Variants in IL1RL1 observed in about 807,000 individuals in gnomAD.
IL1RL1 encodes the protein interleukin 1 receptor like 1, also known as interleukin-1 receptor-like 1.
IL1RL1 carries 32 observed loss-of-function variants against 50.9 expected under a neutral mutation model. The ratio of observed to expected loss-of-function variants is 0.63; its 90% CI spans 0.47 to 0.84. The LOEUF (loss-of-function observed/expected upper bound fraction) is 0.84, where lower values mean the gene tolerates loss of function less well. Ranked by LOEUF, IL1RL1 falls within the 40% of genes least tolerant of loss-of-function variation. The probability of loss-of-function intolerance (pLI) is 0.00; values close to 1 mark genes in which losing one functional copy is unlikely to be tolerated. For missense variants in IL1RL1, 773 were observed against 662.9 expected, an observed-to-expected ratio of 1.17 and a Z score of -1.82; for synonymous variants, 275 against 236.0, an observed-to-expected ratio of 1.17 and a Z score of -1.51.
rs1020424192 is a variant in IL1RL1, at chr2:102,345,792, A to C, written c.971-2153A>C. 5 of 985,350 alleles carry C rather than the reference A, an allele frequency of 5.1e-6. No homozygotes were observed. In the African/African-American group the frequency reaches 8.7e-5, roughly 17 times the overall value. 61.0% of individuals were successfully genotyped at this position (985,350 alleles called of 1,614,324 possible). A position where few individuals can be genotyped will look rare whatever the true frequency, so the allele number is the denominator to read the frequency against. On this transcript the variant is annotated intron_variant, in intron 8 of 10. Transcript: ENST00000233954. ...CTGCCAGTGATAAGTGTGGCACCCC[A>C]GGAAGGCTGTGGACCCCATCAAGGT... is the stretch of plus-strand genomic sequence containing the variant.
chr2:102,344,643 T>C (rs909811082), intron 8 of IL1RL1: 6 of 432,118 alleles, frequency 1.4e-5, no homozygotes, highest in African/African-American at 2.2e-5. Context: ...CTTCCATCTT[T>C]GGGTCCTTAG....
intron 8 of IL1RL1, among the ~76,000 whole-genome samples, chr2:102,347,085 G>A (rs557933111): frequency 2.0e-5 from 3 of 152,172 alleles, no homozygotes; most frequent in African/African-American, 2.4e-5. Context: ...TATCAAAGAC[G>A]CTTTAGCCAC....
rs562950391 is a variant in IL1RL1, at chr2:102,319,686, G to A, written c.-150+8063G>A. Among the ~76,000 whole-genome samples the A allele has an allele frequency of 2.6e-5, 4 of 152,002 alleles. No individual in the cohort carries two copies. In the East Asian group the frequency reaches 5.8e-4, roughly 22 times the overall value. On this transcript the variant is annotated intron_variant, in intron 1 of 10. Coordinates refer to ENST00000233954, the MANE Select transcript of IL1RL1 (RefSeq NM_016232.5). Reference sequence around the variant, plus strand: ...ATTCTCAGTATCTTTTGTATCTCTCGCCCTCTTTTCTTTTTTTTGTGACAC... The same window carrying A: ...ATTCTCAGTATCTTTTGTATCTCTCACCCTCTTTTCTTTTTTTTGTGACAC...
intron 5 of IL1RL1, chr2:102,341,256 C>T (rs1420101): frequency 0.37 from 458,655 of 1,240,744 alleles, 85,591 homozygotes; most frequent in Middle Eastern, 0.49. Context: ...GATTCAAAGT[C>T]TAATGAGAGG....
intron 8 of IL1RL1, chr2:102,345,101 T>G (rs1677734033): frequency 3.4e-6 from 3 of 871,962 alleles, no homozygotes; most frequent in Non-Finnish European, 4.1e-6. Flanking sequence ...AGGGGATATG[T>G]TTTCTACAGA....
chr2:102,344,590 G>C (rs1039404687), intron 8 of IL1RL1: 3 of 228,750 alleles, frequency 1.3e-5, no homozygotes, highest in Middle Eastern at 2.3e-3. Flanking sequence ...TTGACAGTCT[G>C]CTCAACACGA....
chr2:102,336,752 C>G (rs1244136701), intron 1 of IL1RL1, among the ~76,000 whole-genome samples: 1 of 151,900 alleles, frequency 6.6e-6, no homozygotes, highest in Non-Finnish European at 1.5e-5. Flanking sequence ...GAGCTGAAAT[C>G]TGTTTTGGGA....
intron 8 of IL1RL1, chr2:102,343,804 C>T (rs1677678874): frequency 2.8e-6 from 3 of 1,090,906 alleles, no homozygotes; most frequent in South Asian, 3.1e-5. Context: ...ATGTTGTAAG[C>T]ATGGTCCGTT....
chr2:102,332,177 C>T (rs1677195386), intron 1 of IL1RL1, among the ~76,000 whole-genome samples: 1 of 152,136 alleles, frequency 6.6e-6, no homozygotes, highest in Admixed American at 6.6e-5. Flanking sequence ...ATAATATTGC[C>T]TTCTGGAGGT....
At chr2:102,345,390 G>C (rs1677747174) in intron 8 of IL1RL1, 2 of 985,220 alleles carry the variant, frequency 2.0e-6, no homozygotes, top group African/African-American at 3.5e-5. Context: ...CCGTATAAAA[G>C]GAAGGAAAGA....
rs148940356 is a variant in IL1RL1 at position 102,315,955 on chromosome 2, C to A, written c.-150+4332C>A. On this transcript the variant is annotated intron_variant, in intron 1 of 10. Transcript: ENST00000233954. ...TAGAGGTCTAATGTAAACATGGATC[C>A]TTTAGGTTTTTCCATTTTCTTTGTC... Among the ~76,000 whole-genome samples the A allele has an allele frequency of 3.9e-5, 6 of 152,220 alleles. No individual in the cohort carries two copies. In the East Asian group the frequency reaches 1.2e-3, roughly 29 times the overall value.
rs745654031 is a variant in IL1RL1, at chr2:102,340,156, T to G, written c.331T>G (p.Cys111Gly). The G allele has an allele frequency of 6.3e-7, 1 of 1,591,510 alleles. No individual in the cohort carries two copies. Among genetic ancestry groups the G allele is most frequent in the Non-Finnish European group, 8.6e-7 (1 of 1,169,092 alleles). Residue 111 changes from cysteine (C) to glycine (G), a missense_variant, in exon 4 of 11, where the codon TGC becomes GGC. Physicochemically the swap from Cys to Gly is radical, Grantham distance 159. Transcript: ENST00000233954. ...NVTIYKKQSD[C>G]NVPDYLMYST... ...CACCATATATAAAAAACAATCAGATTGCAATGTTCCAGATTATTTGATGTA... is the reference window on the plus strand; with the variant it reads ...CACCATATATAAAAAACAATCAGATGGCAATGTTCCAGATTATTTGATGTA...
chr2:102,338,014 T>G, intron 1 of IL1RL1, 102 bp from the exon 2 acceptor site: 1 of 292,740 alleles, frequency 3.4e-6, no homozygotes, highest in South Asian at 1.2e-4. Context: ...TTGCACTTAA[T>G]AAATATGTGT....
At chr2:102,329,063 G>A (rs1469705495) in intron 1 of IL1RL1, among the ~76,000 whole-genome samples, 1 of 152,130 alleles carries the variant, frequency 6.6e-6, no homozygotes, top group Admixed American at 6.5e-5. Context: ...AAAGCTGGAG[G>A]CATCACGCTA....
intron 1 of IL1RL1, 68 bp from the exon 2 acceptor site, chr2:102,338,048 G>A: frequency 2.7e-6 from 1 of 372,494 alleles, no homozygotes; most frequent in South Asian, 7.2e-5. Flanking sequence ...CTCCTGGGTG[G>A]TGCTGAGAAA....
chr2:102,336,027 C>T (rs1404944859), intron 1 of IL1RL1, among the ~76,000 whole-genome samples: 2 of 152,216 alleles, frequency 1.3e-5, no homozygotes, highest in Non-Finnish European at 2.9e-5. Context: ...AGCCACTCCA[C>T]AGGCTGAAAG....
intron 1 of IL1RL1, among the ~76,000 whole-genome samples, chr2:102,332,609 C>A (rs762212951): frequency 6.6e-6 from 1 of 152,056 alleles, no homozygotes; most frequent in Non-Finnish European, 1.5e-5. Context: ...TAGATAAACC[C>A]ATAGAATCAG....
chr2:102,338,867 C>T lies in IL1RL1; in HGVS notation c.92C>T (p.Ala31Val), dbSNP rs778117489. The change falls in exon 3 of 11, where the codon GCT becomes GTT. Residue 31 changes from alanine to valine, a missense_variant. Coordinates refer to ENST00000233954, the MANE Select transcript of IL1RL1 (RefSeq NM_016232.5). ...SKQSWGLENEALIVRCPRQGK... is the reference protein window; with the variant it reads ...SKQSWGLENEVLIVRCPRQGK... Reference sequence around the variant, plus strand: ...CAATCATGGGGCCTGGAAAATGAGGCTTTAATTGTAAGATGTCCTAGACAA... The same window carrying T: ...CAATCATGGGGCCTGGAAAATGAGGTTTTAATTGTAAGATGTCCTAGACAA... 3.1e-6 allele frequency: 5 copies of T among 1,613,346 alleles called. No homozygotes were observed. The South Asian group carries it at 5.5e-5, about 18-fold the overall frequency.
chr2:102,332,631 G>A (rs1559600010), intron 1 of IL1RL1, among the ~76,000 whole-genome samples: 1 of 152,176 alleles, frequency 6.6e-6, no homozygotes, highest in Non-Finnish European at 1.5e-5. Context: ...AAGCAGATTG[G>A]TGGTGGCTAT....
Sources: gnomAD v4.1 joint callset for allele counts (sites outside exome capture counted in the v4.1 genomes callset) on GRCh38, gnomAD v4.1.1 for gene constraint, MANE v1.5 for transcripts, NCBI Gene and HGNC (gene_info 2026-07-23, HGNC 2026-07-21) for gene names.